Variants in RNPEPL1 observed in about 807,000 individuals in gnomAD.
RNPEPL1 encodes arginyl aminopeptidase like 1.
RNPEPL1 carries 46 observed loss-of-function variants against 69.0 expected under a neutral mutation model. That is an observed-to-expected ratio of 0.67 (90% CI 0.53 to 0.85). RNPEPL1 has a LOEUF of 0.85. Among genes scored for constraint, RNPEPL1 ranks in the 40% least tolerant of loss-of-function variants. The pLI, the probability that RNPEPL1 is intolerant of heterozygous loss-of-function variation, is 0.00. For synonymous variants in RNPEPL1, 525 were observed against 454.1 expected (o/e 1.16, Z -1.98); for missense variants, 869 against 992.5 (o/e 0.88, Z 1.67).
Position 240,576,962 on chromosome 2 carries a change from A to G in RNPEPL1, c.1856A>G (p.His619Arg). Reference protein sequence around the residue: ...VVRNDYYPDLHRVRRFLESQM... With the variant: ...VVRNDYYPDLRRVRRFLESQM... The stretch of plus-strand genomic sequence containing the variant: ...CGCAACGACTACTATCCTGACCTCC[A>G]CAGGGTGCGGCGCTTCCTGGAGAGC... The change falls in exon 10 of 11, where the codon CAC (histidine) becomes CGC (arginine). Residue 619 changes from histidine (H) to arginine (R), a missense_variant. Around this residue, in one of 2 missense-constraint regions of RNPEPL1, gnomAD observed 610 missense variants for 790.9 expected, o/e 0.77. Coordinates refer to ENST00000270357, the MANE Select transcript of RNPEPL1 (RefSeq NM_018226.6). The G allele has an allele frequency of 6.2e-7, 1 of 1,613,312 alleles. No individual in the cohort carries two copies. Among genetic ancestry groups the G allele is most frequent in the Non-Finnish European group, 8.5e-7 (1 of 1,179,954 alleles).
At position 240,569,009 on chromosome 2, in the gene RNPEPL1, G is replaced by T; in HGVS notation, c.423G>T (p.Pro141=). 6.6e-7 allele frequency: 1 copy of T among 1,507,612 alleles called. No homozygotes were observed. The highest frequency in any genetic ancestry group is 8.8e-7 in the Non-Finnish European group (1 of 1,135,760). The allele number at this position is 1,507,612 out of a possible 1,614,324, so 93.4% of individuals were successfully genotyped here. The part of the protein sequence containing the change: ...ACCPLAFRVD[P]FTDYGSSLTV... ...GTCCGCTGGCCTTCAGGGTGGACCC[G>T]TTCACCGACTACGGCTCCTCGCTCA... Residue 141 remains proline (P), a synonymous_variant, in exon 1 of 11, where the codon CCG becomes CCT. Coordinates refer to ENST00000270357, the MANE Select transcript of RNPEPL1 (RefSeq NM_018226.6).
intron 1 of RNPEPL1, among the ~76,000 whole-genome samples, chr2:240,572,105 G>T (rs1035155476): frequency 6.6e-6 from 1 of 152,268 alleles, no homozygotes; most frequent in African/African-American, 2.4e-5. Context: ...TGCAATGATG[G>T]GCTATTCCCT....
At chr2:240,572,888 T>C (rs2093025958) in intron 2 of RNPEPL1, among the ~76,000 whole-genome samples, 1 of 152,190 alleles carries the variant, frequency 6.6e-6, no homozygotes, top group African/African-American at 2.4e-5. Flanking sequence ...GGCCCGAACT[T>C]GGCAGCACCC....
In RNPEPL1 at chr2:240,578,315, T is replaced by A; in HGVS notation, c.*423T>A. 1.2e-5 allele frequency: 2 copies of A among 160,070 alleles called. No individual in the cohort carries two copies. The highest frequency in any genetic ancestry group is 2.7e-5 in the Non-Finnish European group (2 of 73,540). The allele number at this position is 160,070 out of a possible 1,614,324, so 9.9% of individuals were successfully genotyped here. ...TGCAGCACGCCTCCTTGCAGGGATC[T>A]GAGCCACCCTCCCCGCACAGCCCTG... On this transcript the variant is annotated 3_prime_UTR_variant, in exon 11 of 11. Transcript: ENST00000270357.
chr2:240,574,652 C>G (rs2093032573), intron 6 of RNPEPL1, 24 bp downstream of exon 6: 2 of 1,577,774 alleles, frequency 1.3e-6, no homozygotes, highest in Non-Finnish European at 1.7e-6. Context: ...AGGACCCGCT[C>G]CCACAACTGG....
intron 5 of RNPEPL1, 78 bp downstream of exon 5, chr2:240,574,426 C>T (rs2125449805): frequency 6.5e-7 from 1 of 1,542,066 alleles, no homozygotes; most frequent in East Asian, 2.3e-5. Context: ...GCCTGGCCCC[C>T]CTGCCATGCT....
chr2:240,568,737 C>A lies in RNPEPL1; in HGVS notation c.151C>A (p.Arg51=). 9.4e-7 allele frequency: 1 copy of A among 1,060,554 alleles called. No homozygotes were observed. The allele number at this position is 1,060,554 out of a possible 1,614,324, so 65.7% of individuals were successfully genotyped here. A position where few individuals can be genotyped will look rare whatever the true frequency, so the allele number is the denominator to read the frequency against. Residue 51 remains arginine (R), a synonymous_variant, in exon 1 of 11, where the codon CGG becomes AGG. Transcript: ENST00000270357. This position sits in a 1 kb window ranked among gnomAD's most constrained non-coding sequence, Gnocchi z 6.2. ...CCACCTGCAGCTGGGCCTGGAGCTGCGGCCCGAGGCGCGCGAGTTGGCCGG... is the reference window on the plus strand; with the variant it reads ...CCACCTGCAGCTGGGCCTGGAGCTGAGGCCCGAGGCGCGCGAGTTGGCCGG... ...LRHLQLGLEL[R]PEARELAGCL...
At chr2:240,573,053 G>A (rs2001823) in intron 2 of RNPEPL1, 57 bp from the exon 3 acceptor site, 13 of 1,496,968 alleles carry the variant, frequency 8.7e-6, no homozygotes, top group Non-Finnish European at 1.2e-5. Context: ...CTCCCCGGCC[G>A]GGGCTATGGG....
chr2:240,576,792 G>C, intron 9 of RNPEPL1, 27 bp downstream of exon 9: 13 of 1,612,468 alleles, frequency 8.1e-6, no homozygotes, highest in Non-Finnish European at 1.1e-5. Context: ...GATGGGGGCG[G>C]CCCAGGGGCT....
intron 7 of RNPEPL1, 24 bp from the exon 8 acceptor site, chr2:240,575,478 T>C: frequency 6.3e-7 from 1 of 1,598,032 alleles, no homozygotes; most frequent in Non-Finnish European, 8.6e-7. Context: ...CCAGGCCTGC[T>C]GAGGCCCCAC....
At chr2:240,572,995 G>C in intron 2 of RNPEPL1, 115 bp from the exon 3 acceptor site, 1 of 1,226,826 alleles carries the variant, frequency 8.2e-7, no homozygotes. Flanking sequence ...AACGTTCCCT[G>C]ATGGGGATGT....
At chr2:240,572,322 C>G in intron 1 of RNPEPL1, 101 bp from the exon 2 acceptor site, 3 of 1,358,042 alleles carry the variant, frequency 2.2e-6, no homozygotes, top group Non-Finnish European at 3.0e-6. Context: ...GGCCATTGTC[C>G]CCTCCCAGAG....
At chr2:240,575,357 A>G in intron 7 of RNPEPL1, 145 bp from the exon 8 acceptor site, 1 of 799,938 alleles carries the variant, frequency 1.3e-6, no homozygotes, top group Non-Finnish European at 2.1e-6. Flanking sequence ...CCTGCGTGCC[A>G]AGTGCTGGCT....
intron 1 of RNPEPL1, 112 bp from the exon 2 acceptor site, chr2:240,572,311 T>C (rs1238867509): frequency 9.6e-6 from 12 of 1,253,718 alleles, no homozygotes; most frequent in Admixed American, 7.2e-5. Context: ...CAAGATAATC[T>C]GGCCATTGTC....
intron 3 of RNPEPL1, 146 bp downstream of exon 3, chr2:240,573,407 T>C: frequency 2.1e-6 from 1 of 469,990 alleles, no homozygotes; most frequent in South Asian, 3.0e-5. Context: ...CCTGCCTTGG[T>C]GCCACCGCCA....
At chr2:240,569,701 C>T (rs2125447831) in intron 1 of RNPEPL1, among the ~76,000 whole-genome samples, 1 of 152,350 alleles carries the variant, frequency 6.6e-6, no homozygotes, top group East Asian at 1.9e-4. Context: ...AGCACCCCCT[C>T]CACCTCCACC....
intron 3 of RNPEPL1, 97 bp downstream of exon 3, chr2:240,573,358 A>AC (rs1352944643): frequency 1.5e-6 from 2 of 1,373,198 alleles, no homozygotes; most frequent in Non-Finnish European, 1.9e-6. Context: ...CCTGCTGAGG[A>AC]CCCCCACTGG....
intron 1 of RNPEPL1, among the ~76,000 whole-genome samples, chr2:240,570,690 C>T (rs2093018729): frequency 6.6e-6 from 1 of 152,210 alleles, no homozygotes; most frequent in South Asian, 2.1e-4. Flanking sequence ...CCCACCCCAC[C>T]CCAGCAAGAA....
intron 1 of RNPEPL1, chr2:240,569,338 C>G (rs181334029): frequency 6.1e-6 from 3 of 488,494 alleles, no homozygotes; most frequent in Non-Finnish European, 1.1e-5. Context: ...GGAAGCCTCC[C>G]GTTCAGGTGT....
Sources: gnomAD v4.1 joint callset for allele counts (sites outside exome capture counted in the v4.1 genomes callset) on GRCh38, gnomAD v4.1.1 for gene constraint, gnomAD v4.1.1 regional missense constraint, Gnocchi (gnomAD v3.1) non-coding constraint, MANE v1.5 for transcripts, NCBI Gene and HGNC (gene_info 2026-07-23, HGNC 2026-07-21) for gene names.